LRRTM4: variants seen among roughly 807,000 people sequenced by gnomAD.
LRRTM4 encodes the protein leucine rich repeat transmembrane neuronal 4.
In LRRTM4, 25 loss-of-function variants were observed where a neutral mutation model predicts 47.6. The ratio of observed to expected loss-of-function variants is 0.53; its 90% CI spans 0.38 to 0.73. LRRTM4 has a LOEUF of 0.73. LRRTM4 is among the 30% of genes least tolerant of loss of function. The probability of loss-of-function intolerance (pLI) is 0.00; values close to 1 mark genes in which losing one functional copy is unlikely to be tolerated. For synonymous variants in LRRTM4, 311 were observed against 269.5 expected (o/e 1.15, Z -1.51); for missense variants, 638 against 713.4 (o/e 0.89, Z 1.20).
chr2:76,901,686 G>A (rs140679391), intron 3 of LRRTM4, among the ~76,000 whole-genome samples: 63 of 152,142 alleles, frequency 4.1e-4, no homozygotes, highest in East Asian at 1.4e-3. Flanking sequence ...GATATGTGTC[G>A]GAGACCAGAA....
intron 3 of LRRTM4, among the ~76,000 whole-genome samples, chr2:77,278,726 T>C (rs1382033257): frequency 6.6e-6 from 1 of 152,014 alleles, no homozygotes; most frequent in Non-Finnish European, 1.5e-5. Flanking sequence ...ACTCACAACA[T>C]CTTACTTTAC....
At chr2:76,975,577 C>T (rs1192065182) in intron 3 of LRRTM4, among the ~76,000 whole-genome samples, 1 of 151,690 alleles carries the variant, frequency 6.6e-6, no homozygotes, top group East Asian at 1.9e-4. Flanking sequence ...ACTGTGGCTC[C>T]ATATGTTCAA....
chr2:76,857,055 T>C (rs998847350), intron 3 of LRRTM4, among the ~76,000 whole-genome samples: 3 of 151,872 alleles, frequency 2.0e-5, no homozygotes, highest in African/African-American at 7.2e-5. Context: ...AAAAGTACAG[T>C]TGACCCTTGA....
intron 3 of LRRTM4, among the ~76,000 whole-genome samples, chr2:77,176,779 G>A (rs1451617181): frequency 2.0e-5 from 3 of 152,086 alleles, no homozygotes; most frequent in Non-Finnish European, 4.4e-5. Flanking sequence ...ATAGGAATCT[G>A]GCAGGACTTG....
chr2:76,807,486 A>G (rs1368429024), intron 3 of LRRTM4, among the ~76,000 whole-genome samples: 1 of 137,340 alleles, frequency 7.3e-6, no homozygotes, highest in African/African-American at 2.9e-5. Flanking sequence ...ATATATATAT[A>G]CATATATATA....
intron 3 of LRRTM4, among the ~76,000 whole-genome samples, chr2:77,015,186 G>A (rs1373859477): frequency 6.6e-6 from 1 of 152,076 alleles, no homozygotes; most frequent in African/African-American, 2.4e-5. Context: ...AACCCTTCTG[G>A]ATGGCCTACC....
intron 3 of LRRTM4, among the ~76,000 whole-genome samples, chr2:76,811,239 A>G (rs557288686): frequency 7.2e-5 from 11 of 152,300 alleles, no homozygotes; most frequent in African/African-American, 2.6e-4. Context: ...CACCCAATGA[A>G]TATGTTTTCA....
chr2:77,179,795 A>G (rs1673301195), intron 3 of LRRTM4, among the ~76,000 whole-genome samples: 2 of 152,184 alleles, frequency 1.3e-5, no homozygotes, highest in Admixed American at 6.5e-5. Flanking sequence ...AATATAGTCA[A>G]AATTGAAAAG....
chr2:77,043,694 T>G (rs571694405), intron 3 of LRRTM4, among the ~76,000 whole-genome samples: 1 of 151,908 alleles, frequency 6.6e-6, no homozygotes, highest in East Asian at 1.9e-4. Context: ...ACAGCCAAAC[T>G]TTATGAAGGA....
intron 3 of LRRTM4, among the ~76,000 whole-genome samples, chr2:77,093,139 C>T (rs915720456): frequency 1.6e-4 from 24 of 147,906 alleles, no homozygotes; most frequent in Non-Finnish European, 2.9e-4. Context: ...TCCTATTCAC[C>T]GTTCTCAACT....
intron 3 of LRRTM4, among the ~76,000 whole-genome samples, chr2:76,880,980 G>A (rs2104105067): frequency 6.6e-6 from 1 of 152,180 alleles, no homozygotes; most frequent in Non-Finnish European, 1.5e-5. Context: ...GTTTGTTAAA[G>A]GGTAATCAAA....
intron 3 of LRRTM4, among the ~76,000 whole-genome samples, chr2:77,266,422 G>A (rs1454590990): frequency 6.6e-6 from 1 of 152,020 alleles, no homozygotes; most frequent in Non-Finnish European, 1.5e-5. Flanking sequence ...AATACCAAAA[G>A]TGAAAGTAAG....
chr2:77,214,705 T>A (rs1394039569), intron 3 of LRRTM4, among the ~76,000 whole-genome samples: 1 of 152,024 alleles, frequency 6.6e-6, no homozygotes, highest in East Asian at 1.9e-4. Flanking sequence ...AAATCTTTTT[T>A]TTTTTACCAT....
intron 3 of LRRTM4, among the ~76,000 whole-genome samples, chr2:77,029,804 AATC>A (rs1290225935): frequency 6.6e-6 from 1 of 152,194 alleles, no homozygotes; most frequent in Non-Finnish European, 1.5e-5. Context: ...GTAAAAAAGG[AATC>A]ATCATCTACC....
At chr2:77,037,739 TTTGC>T (rs565554252) in intron 3 of LRRTM4, among the ~76,000 whole-genome samples, 553 of 151,838 alleles carry the variant, frequency 3.6e-3, no homozygotes, top group African/African-American at 0.011. Context: ...TGGTTGTTTG[TTTGC>T]TTATTTGTTT....
At chr2:77,466,416 G>A (rs1373486369) in intron 3 of LRRTM4, among the ~76,000 whole-genome samples, 1 of 152,162 alleles carries the variant, frequency 6.6e-6, no homozygotes, top group Non-Finnish European at 1.5e-5. Flanking sequence ...TGAGGTTAAT[G>A]TTCTGAGAGA....
chr2:76,968,350 A>G (rs1012995718), intron 3 of LRRTM4, among the ~76,000 whole-genome samples: 71 of 103,562 alleles, frequency 6.9e-4, no homozygotes, highest in African/African-American at 2.8e-3. Flanking sequence ...GTATATATAT[A>G]TATATATATA....
chr2:77,158,303 G>GA (rs1424221427), intron 3 of LRRTM4, among the ~76,000 whole-genome samples: 1 of 152,118 alleles, frequency 6.6e-6, no homozygotes, highest in African/African-American at 2.4e-5. Flanking sequence ...TTTCCCACTA[G>GA]GAGTGTGGAT....
intron 3 of LRRTM4, among the ~76,000 whole-genome samples, chr2:77,166,563 A>T (rs1672892310): frequency 6.6e-6 from 1 of 152,220 alleles, no homozygotes; most frequent in Non-Finnish European, 1.5e-5. Flanking sequence ...CTATATTACA[A>T]GGCTACAGTA....
Sources: allele counts gnomAD v4.1 joint callset (sites outside exome capture counted in the v4.1 genomes callset), GRCh38; gene constraint gnomAD v4.1.1; transcripts MANE v1.5; gene names NCBI Gene and HGNC (gene_info 2026-07-23, HGNC 2026-07-21).